Variants in PACC1 observed in about 807,000 individuals in gnomAD.
PACC1 encodes proton-activated chloride channel.
In PACC1, 34 loss-of-function variants were observed where a neutral mutation model predicts 39.7. The ratio of observed to expected loss-of-function variants is 0.86; its 90% CI spans 0.65 to 1.14. The LOEUF is 1.14. Among genes scored for constraint, PACC1 ranks in the 50% most tolerant of loss-of-function variants. PACC1 has a pLI of 0.00. For missense variants in PACC1, 379 were observed against 436.4 expected, an observed-to-expected ratio of 0.87 and a Z score of 1.17; for synonymous variants, 127 against 160.6, an observed-to-expected ratio of 0.79 and a Z score of 1.58.
At chr1:212,370,072 C>T (rs1002787377) in intron 7 of PACC1, among the ~76,000 whole-genome samples, 2 of 152,176 alleles carry the variant, frequency 1.3e-5, no homozygotes, top group Admixed American at 6.5e-5. Context: ...GGGACATCAA[C>T]GTCCGACTCA....
chr1:212,404,785 T>G (rs1001714862), intron 2 of PACC1, among the ~76,000 whole-genome samples: 8 of 152,018 alleles, frequency 5.3e-5, no homozygotes, highest in Non-Finnish European at 1.2e-4. Context: ...TTTTTATTTT[T>G]TGAGATGGAA....
Position 212,400,767 on chromosome 1 carries a change from C to A in PACC1, c.133+9658G>T, listed in dbSNP as rs190751784. On this transcript the variant is annotated intron_variant, in intron 2 of 7. Coordinates refer to ENST00000261455, the MANE Select transcript of PACC1 (RefSeq NM_018252.3). ...ATGCAAACTCAGGGTAGTAGGAAGACAAAAATAATGCACAAGATGTTCCTG... is the reference window on the plus strand; with the variant it reads ...ATGCAAACTCAGGGTAGTAGGAAGAAAAAAATAATGCACAAGATGTTCCTG... Among the ~76,000 whole-genome samples, 536 of 152,260 alleles carry A rather than the reference C, an allele frequency of 3.5e-3. 4 individuals are homozygous for A. Among genetic ancestry groups the A allele is most frequent in the African/African-American group, 0.012 (517 of 41,562 alleles).
chr1:212,413,553 G>A (rs1459602806), intron 1 of PACC1, among the ~76,000 whole-genome samples: 8 of 151,756 alleles, frequency 5.3e-5, no homozygotes, highest in African/African-American at 1.9e-4. Flanking sequence ...GGAGCTTGGC[G>A]GAGCGTTGAT....
At chr1:212,392,274 G>A (rs1337228545) in intron 2 of PACC1, among the ~76,000 whole-genome samples, 15 of 152,328 alleles carry the variant, frequency 9.8e-5, no homozygotes, top group Middle Eastern at 3.4e-3. Flanking sequence ...CCAGAAGAGT[G>A]GGGGCCAATA....
intron 7 of PACC1, among the ~76,000 whole-genome samples, chr1:212,374,876 A>G (rs1437452669): frequency 1.3e-5 from 2 of 152,224 alleles, no homozygotes; most frequent in African/African-American, 2.4e-5. Context: ...CTAAGCAGCT[A>G]CTTTGCACTA....
chr1:212,414,332 C>T (rs1662250297), intron 1 of PACC1, among the ~76,000 whole-genome samples: 1 of 152,186 alleles, frequency 6.6e-6, no homozygotes, highest in Admixed American at 6.5e-5. Context: ...GGGAGGAGGG[C>T]GCGGGCGCTC....
chr1:212,375,573 G>GT (rs1558165783), intron 6 of PACC1, among the ~76,000 whole-genome samples: 1 of 152,096 alleles, frequency 6.6e-6, no homozygotes, highest in African/African-American at 2.4e-5. Flanking sequence ...TTGTCACTAG[G>GT]TATCTGTACT....
intron 7 of PACC1, among the ~76,000 whole-genome samples, chr1:212,374,867 T>A (rs966028143): frequency 2.0e-5 from 3 of 152,226 alleles, no homozygotes; most frequent in African/African-American, 7.2e-5. Context: ...ACATTACTAC[T>A]AAGCAGCTAC....
At chr1:212,384,829 C>T (rs6697681) in intron 4 of PACC1, among the ~76,000 whole-genome samples, 1,657 of 152,308 alleles carry the variant, frequency 0.011, 33 homozygotes, top group African/African-American at 0.036. Context: ...TTTACGCTGG[C>T]GTATTAATTT....
rs551740076 is a variant in PACC1, at chr1:212,414,884, G to A, written c.-127C>T. On this transcript the variant is annotated 5_prime_UTR_variant, in exon 1 of 8. Coordinates refer to ENST00000261455, the MANE Select transcript of PACC1 (RefSeq NM_018252.3). ...GAAACCGGTCCGGAGGGGCGTCCCAGAGACCAGGCGTGGCGATACTCGGCG... is the reference window on the plus strand; with the variant it reads ...GAAACCGGTCCGGAGGGGCGTCCCAAAGACCAGGCGTGGCGATACTCGGCG... 6.4e-6 allele frequency: 8 copies of A among 1,259,672 alleles called. No homozygotes were observed. In the African/African-American group the frequency reaches 9.0e-5, roughly 14 times the overall value. The allele number at this position is 1,259,672 out of a possible 1,614,324, so 78.0% of individuals were successfully genotyped here.
chr1:212,413,480 G>C (rs987140823), intron 1 of PACC1, among the ~76,000 whole-genome samples: 4 of 152,218 alleles, frequency 2.6e-5, no homozygotes, highest in African/African-American at 7.2e-5. Flanking sequence ...TCTGGAAAGC[G>C]GACCCCTATG....
At chr1:212,383,917 C>T (rs1464758849) in intron 4 of PACC1, among the ~76,000 whole-genome samples, 2 of 152,180 alleles carry the variant, frequency 1.3e-5, no homozygotes, top group Non-Finnish European at 2.9e-5. Flanking sequence ...TACCCAGAGG[C>T]AACCATCCCC....
chr1:212,411,997 C>T (rs1157314749), intron 1 of PACC1, among the ~76,000 whole-genome samples: 5 of 151,986 alleles, frequency 3.3e-5, no homozygotes, highest in Non-Finnish European at 4.4e-5. Context: ...AAAAATTAGC[C>T]GGGCATAATA....
chr1:212,381,947 A>G (rs907235548), intron 4 of PACC1, among the ~76,000 whole-genome samples: 1 of 152,256 alleles, frequency 6.6e-6, no homozygotes, highest in Non-Finnish European at 1.5e-5. Flanking sequence ...CTTCTCCCTC[A>G]TCTCAGCCAT....
chr1:212,385,452 T>G, intron 3 of PACC1, 27 bp from the exon 4 acceptor site: 1 of 1,613,616 alleles, frequency 6.2e-7, no homozygotes, highest in Admixed American at 1.7e-5. Context: ...GAAAAGCAAG[T>G]GTCAGAAATC....
Position 212,414,870 on chromosome 1 carries a change from G to C in PACC1, c.-113C>G, listed in dbSNP as rs1251664344. 14 of 1,400,528 alleles carry C rather than the reference G, an allele frequency of 1.0e-5. No homozygotes were observed. Among genetic ancestry groups the C allele is most frequent in the African/African-American group, 1.4e-5 (1 of 69,918 alleles). 86.8% of individuals were successfully genotyped at this position (1,400,528 alleles called of 1,614,324 possible). On this transcript the variant is annotated 5_prime_UTR_variant, in exon 1 of 8. Coordinates refer to ENST00000261455, the MANE Select transcript of PACC1 (RefSeq NM_018252.3). ...CGGCTCCGCGAGGCGAAACCGGTCC[G>C]GAGGGGCGTCCCAGAGACCAGGCGT...
intron 7 of PACC1, among the ~76,000 whole-genome samples, chr1:212,368,766 C>T (rs893354661): frequency 6.6e-6 from 1 of 152,092 alleles, no homozygotes; most frequent in African/African-American, 2.4e-5. Flanking sequence ...GGTGCGGTGG[C>T]TCATGCCTGT....
Position 212,377,706 on chromosome 1 carries a change from GC to G in PACC1, c.639-1del, listed in dbSNP as rs745586111. 3 of 1,613,742 alleles carry G rather than the reference GC, an allele frequency of 1.9e-6. No homozygotes were observed. Among genetic ancestry groups the G allele is most frequent in the Admixed American group, 1.7e-5 (1 of 59,972 alleles). On this transcript the variant is annotated splice_acceptor_variant, in intron 5 of 7. Transcript: ENST00000261455. LOFTEE classifies it high-confidence loss of function. The stretch of plus-strand genomic sequence containing the variant: ...CCTGCATGAAGCCTACCCTGTTTGG[GC>G]TTGGAGGAAGGAAGGAGAAGGAAGA...
chr1:212,394,174 C>T lies in PACC1; in HGVS notation c.134-7074G>A, dbSNP rs535040954. Among the ~76,000 whole-genome samples the T allele has an allele frequency of 5.6e-4, 85 of 152,134 alleles. 4 individuals are homozygous for T. The South Asian group carries it at 0.013, about 23-fold the overall frequency. On this transcript the variant is annotated intron_variant, in intron 2 of 7. Transcript: ENST00000261455. Reference sequence around the variant, plus strand: ...GACCAATATCCCTGATGAACATCGACGCAAAAATCCTCAATAAAACACTGG... The same window carrying T: ...GACCAATATCCCTGATGAACATCGATGCAAAAATCCTCAATAAAACACTGG...
Sources: gnomAD v4.1 joint callset for allele counts (sites outside exome capture counted in the v4.1 genomes callset) on GRCh38, gnomAD v4.1.1 for gene constraint, MANE v1.5 for transcripts, NCBI Gene and HGNC (gene_info 2026-07-23, HGNC 2026-07-21) for gene names.